CRACD: variants seen among roughly 807,000 people sequenced by gnomAD.
CRACD encodes capping protein inhibiting regulator of actin dynamics, also known as capping protein-inhibiting regulator of actin dynamics.
CRACD carries 56 observed loss-of-function variants against 106.8 expected under a neutral mutation model. That is an observed-to-expected ratio of 0.52 (90% CI 0.42 to 0.66). The LOEUF is 0.66. Ranked by LOEUF, CRACD falls within the 30% of genes least tolerant of loss-of-function variation. The pLI is 0.00. For missense variants in CRACD, 1,730 were observed against 1,623.2 expected (o/e 1.07, Z -1.13); for synonymous variants, 754 against 670.8 (o/e 1.12, Z -1.92).
At chr4:56,303,359 AAAAAG>A (rs1321166328) in intron 4 of CRACD, among the ~76,000 whole-genome samples, 1 of 152,096 alleles carries the variant, frequency 6.6e-6, no homozygotes, top group African/African-American at 2.4e-5. Context: ...AAAAAAAAAA[AAAAAG>A]AAAGAAGGAA....
At chr4:56,264,118 T>C (rs1176480855) in intron 2 of CRACD, among the ~76,000 whole-genome samples, 1 of 151,862 alleles carries the variant, frequency 6.6e-6, no homozygotes, top group Non-Finnish European at 1.5e-5. Flanking sequence ...AAGGGGAAAA[T>C]GCTACACACT....
At chr4:56,135,923 G>A (rs28463663) in intron 1 of CRACD, among the ~76,000 whole-genome samples, 11,452 of 152,020 alleles carry the variant, frequency 0.075, 552 homozygotes, top group Admixed American at 0.14. Flanking sequence ...AACTCATCCC[G>A]CCTTCTACTC....
intron 1 of CRACD, among the ~76,000 whole-genome samples, chr4:56,136,139 G>A (rs964357491): frequency 6.6e-6 from 1 of 151,746 alleles, no homozygotes; most frequent in African/African-American, 2.4e-5. Flanking sequence ...CTATTATATG[G>A]CTATACCATT....
At chr4:56,288,385 C>T (rs917254305) in intron 3 of CRACD, 12 of 228,926 alleles carry the variant, frequency 5.2e-5, no homozygotes, top group Admixed American at 4.6e-4. Flanking sequence ...TCAGCTCTTG[C>T]CCCCCGCTCC....
chr4:56,228,288 G>GA (rs1218877606), intron 2 of CRACD, among the ~76,000 whole-genome samples: 1 of 151,992 alleles, frequency 6.6e-6, no homozygotes, highest in East Asian at 1.9e-4. Flanking sequence ...CTCTTTATGA[G>GA]AAAAAAATTT....
chr4:56,061,724 G>A (rs370070053), intron 1 of CRACD, among the ~76,000 whole-genome samples: 9 of 152,238 alleles, frequency 5.9e-5, no homozygotes, highest in African/African-American at 2.2e-4. Context: ...AGCAAGTAAA[G>A]CCAGGTGAGT....
chr4:56,292,257 G>T (rs563799814), intron 3 of CRACD, among the ~76,000 whole-genome samples: 1 of 152,320 alleles, frequency 6.6e-6, no homozygotes, highest in South Asian at 2.1e-4. Flanking sequence ...AAGCATTTAA[G>T]ATGTGGCCTG....
intron 3 of CRACD, among the ~76,000 whole-genome samples, chr4:56,277,186 G>GA (rs1488092868): frequency 6.6e-6 from 1 of 151,946 alleles, no homozygotes; most frequent in Non-Finnish European, 1.5e-5. Flanking sequence ...GATATCACAA[G>GA]AAAAAAACTC....
intron 1 of CRACD, among the ~76,000 whole-genome samples, chr4:56,117,099 C>T (rs1734320107): frequency 6.7e-6 from 1 of 149,808 alleles, no homozygotes; most frequent in Admixed American, 6.7e-5. Flanking sequence ...CTGCTCACTG[C>T]AAGCTCTGCC....
chr4:56,262,657 A>G (rs1193511454), intron 2 of CRACD, among the ~76,000 whole-genome samples: 2 of 152,214 alleles, frequency 1.3e-5, no homozygotes, highest in South Asian at 4.1e-4. Context: ...GGGTGAGATA[A>G]CATATACCAA....
At chr4:56,184,016 A>G (rs1736975462) in intron 2 of CRACD, among the ~76,000 whole-genome samples, 1 of 152,164 alleles carries the variant, frequency 6.6e-6, no homozygotes. Flanking sequence ...AGTATAAAGA[A>G]GGGGAAAAAA....
Position 56,323,348 on chromosome 4 carries a change from C to T in CRACD, c.3188-29C>T, listed in dbSNP as rs188539727. The T allele has an allele frequency of 1.8e-5, 28 of 1,577,674 alleles. No individual in the cohort carries two copies. The East Asian group carries it at 3.8e-4, about 22-fold the overall frequency. ...GGTAAGTCCGCAGTTAAGTTCATTG[C>T]AAACCGTTCTTTGTCTTATTCCCCA... is the stretch of plus-strand genomic sequence containing the variant. On this transcript the variant is annotated intron_variant, in intron 8 of 10. Coordinates refer to ENST00000682029, the MANE Select transcript of CRACD (RefSeq NM_001393381.1).
intron 5 of CRACD, chr4:56,308,851 C>G (rs991591940): frequency 3.9e-6 from 5 of 1,288,416 alleles, no homozygotes; most frequent in Admixed American, 2.3e-5. Context: ...AGATCTGAAG[C>G]AAATGTCCTC....
chr4:56,218,561 T>C (rs1278243112), intron 2 of CRACD, among the ~76,000 whole-genome samples: 3 of 129,224 alleles, frequency 2.3e-5, no homozygotes, highest in Non-Finnish European at 3.3e-5. Context: ...TTGCCTTCTC[T>C]TCACTTCTCC....
intron 1 of CRACD, among the ~76,000 whole-genome samples, chr4:56,148,201 G>A (rs1306054969): frequency 1.3e-5 from 2 of 151,980 alleles, no homozygotes; most frequent in East Asian, 1.9e-4. Context: ...CCAGTACTAA[G>A]GTTGTTATGG....
chr4:56,049,279 A>G lies in CRACD; in HGVS notation c.-356A>G, dbSNP rs1269007015. 6.6e-6 allele frequency: 1 copy of G among 151,178 alleles called. No individual in the cohort carries two copies. The highest frequency in any genetic ancestry group is 1.5e-5 in the Non-Finnish European group (1 of 67,812). The allele number at this position is 151,178 out of a possible 1,614,324, so 9.4% of individuals were successfully genotyped here. A position where few individuals can be genotyped will look rare whatever the true frequency, so the allele number is the denominator to read the frequency against. The stretch of plus-strand genomic sequence containing the variant: ...GCCGGCCAGCCGCTCTGCCAGCCGG[A>G]GCGCCAGGCGGGGACCTCAGGTGAG... On this transcript the variant is annotated 5_prime_UTR_variant, in exon 1 of 11. Transcript: ENST00000682029.
At chr4:56,087,975 T>A (rs977904516) in intron 1 of CRACD, among the ~76,000 whole-genome samples, 5 of 151,980 alleles carry the variant, frequency 3.3e-5, no homozygotes, top group Non-Finnish European at 5.9e-5. Flanking sequence ...TAAACCCATC[T>A]CTCCTTCTGT....
At chr4:56,049,483 G>C (rs1731791617) in intron 1 of CRACD, among the ~76,000 whole-genome samples, 184 bp downstream of exon 1, 1 of 152,066 alleles carries the variant, frequency 6.6e-6, no homozygotes, top group African/African-American at 2.4e-5. Flanking sequence ...CCATGTGGGA[G>C]GCGCGGACCC....
At chr4:56,276,515 A>G (rs1480014504) in intron 3 of CRACD, among the ~76,000 whole-genome samples, 8 of 152,338 alleles carry the variant, frequency 5.3e-5, no homozygotes, top group African/African-American at 1.9e-4. Flanking sequence ...TCACTTTTGC[A>G]TAGGTGAACT....
Sources: gnomAD v4.1 joint callset for allele counts (sites outside exome capture counted in the v4.1 genomes callset) on GRCh38, gnomAD v4.1.1 for gene constraint, MANE v1.5 for transcripts, NCBI Gene and HGNC (gene_info 2026-07-23, HGNC 2026-07-21) for gene names.